The following GGA2 variants were observed in gnomAD, a reference collection of about 807,000 sequenced individuals.
The protein encoded by GGA2 is ADP-ribosylation factor-binding protein GGA2.
In GGA2, 48 loss-of-function variants were observed where a neutral mutation model predicts 79.5. That is an observed-to-expected ratio of 0.60 (90% CI 0.48 to 0.77). GGA2 has a LOEUF of 0.77. Ranked by LOEUF, GGA2 falls within the 30% of genes least tolerant of loss-of-function variation. The probability of loss-of-function intolerance (pLI) is 0.00; values close to 1 mark genes in which losing one functional copy is unlikely to be tolerated. For synonymous variants in GGA2, 317 were observed against 302.0 expected (o/e 1.05, Z -0.51); for missense variants, 770 against 774.0 (o/e 0.99, Z 0.06).
intron 1 of GGA2, chr16:23,501,584 A>G (rs2142140307): frequency 3.2e-6 from 1 of 308,602 alleles, no homozygotes; most frequent in East Asian, 8.2e-5. Flanking sequence ...GTGTGAATAC[A>G]AAGACTTGCA....
chr16:23,510,476 G>GCTCT lies in GGA2; in HGVS notation c.-69_-66dup. The GCTCT allele has an allele frequency of 1.7e-6, 1 of 576,906 alleles. No homozygotes were observed. The highest frequency in any genetic ancestry group is 4.9e-5 in the South Asian group (1 of 20,458). The allele number at this position is 576,906 out of a possible 1,614,324, so 35.7% of individuals were successfully genotyped here. On this transcript the variant is annotated 5_prime_UTR_variant, in exon 1 of 17. Transcript: ENST00000309859. ...TCTTCAGCCGCTGTAGCGTCCTGGC[G>GCTCT]CTCTCCTCTGCTGACTGCGCGGCAG...
At chr16:23,497,943 G>C (rs867967778) in intron 1 of GGA2, among the ~76,000 whole-genome samples, 1 of 152,146 alleles carries the variant, frequency 6.6e-6, no homozygotes, top group African/African-American at 2.4e-5. Context: ...AGACCAGCCT[G>C]AGCAACATAA....
intron 9 of GGA2, among the ~76,000 whole-genome samples, chr16:23,481,816 C>T (rs775189262): frequency 6.6e-6 from 1 of 152,140 alleles, no homozygotes; most frequent in Admixed American, 6.5e-5. Flanking sequence ...CATGCACATG[C>T]TATCCACTAA....
intron 1 of GGA2, among the ~76,000 whole-genome samples, chr16:23,503,729 A>G (rs900377145): frequency 6.6e-6 from 1 of 152,168 alleles, no homozygotes; most frequent in African/African-American, 2.4e-5. Flanking sequence ...GGATTTTCCT[A>G]TGGGGGGAAA....
chr16:23,514,456 T>A (rs79391625), upstream of GGA2, among the ~76,000 whole-genome samples: 2,231 of 147,548 alleles, frequency 0.015, 23 homozygotes, highest in South Asian at 0.02. Flanking sequence ...CTTGTTAGCC[T>A]TTTTTTTTTG....
chr16:23,484,560 A>G (rs2142124935), intron 8 of GGA2, among the ~76,000 whole-genome samples: 2 of 152,362 alleles, frequency 1.3e-5, no homozygotes, highest in Admixed American at 1.3e-4. Context: ...AAAAAAGACA[A>G]TCCAAAAGAT....
intron 3 of GGA2, chr16:23,493,978 C>A: frequency 2.6e-6 from 1 of 377,430 alleles, no homozygotes. Context: ...CTGCCAACAG[C>A]TAGTGGGCCC....
At chr16:23,477,646 C>T (rs1054600444) in intron 13 of GGA2, among the ~76,000 whole-genome samples, 1 of 152,276 alleles carries the variant, frequency 6.6e-6, no homozygotes, top group Non-Finnish European at 1.5e-5. Context: ...ACTCAGGAGG[C>T]TGAGGCAAAA....
At chr16:23,510,497 G>C (rs1190874389), upstream of GGA2, 2 of 493,308 alleles carry the variant, frequency 4.1e-6, no homozygotes, top group East Asian at 7.3e-5. Context: ...CTGACTGCGC[G>C]GCAGGAGCGG....
intron 2 of GGA2, chr16:23,519,451 A>C (rs1428610463): frequency 4.9e-6 from 1 of 203,344 alleles, no homozygotes; most frequent in Non-Finnish European, 1.1e-5. Flanking sequence ...ATAGAATATG[A>C]CTCCCATTGA....
At position 23,478,681 on chromosome 16, in the gene GGA2, G is replaced by C. The variant is rs768357510; in HGVS notation, c.1159-180C>G. 1.1e-4 allele frequency: 79 copies of C among 747,822 alleles called. 1 individual carries two copies. The Middle Eastern group carries it at 3.8e-3, about 36-fold the overall frequency. The allele number at this position is 747,822 out of a possible 1,614,324, so 46.3% of individuals were successfully genotyped here. A position where few individuals can be genotyped will look rare whatever the true frequency, so the allele number is the denominator to read the frequency against. On this transcript the variant is annotated intron_variant, in intron 12 of 16. Transcript: ENST00000309859. ...CATGCAGCTCCTGGGCAGACCTCCA[G>C]GAAGCAGGAGCCTGGTGCAACCTGT...
chr16:23,465,172 G>A lies in GGA2; in HGVS notation c.*2418C>T. Reference sequence around the variant, plus strand: ...AACAACTAGCTTTTAAAAAAACAGAGACACGGTCTCACTATGTAGCCCAGG... The same window carrying A: ...AACAACTAGCTTTTAAAAAAACAGAAACACGGTCTCACTATGTAGCCCAGG... On this transcript the variant is annotated 3_prime_UTR_variant, in exon 17 of 17. Transcript: ENST00000309859. The A allele has an allele frequency of 1.7e-6, 1 of 597,676 alleles. No individual in the cohort carries two copies. The highest frequency in any genetic ancestry group is 3.0e-6 in the Non-Finnish European group (1 of 335,276). 37.0% of individuals were successfully genotyped at this position (597,676 alleles called of 1,614,324 possible).
At chr16:23,511,520 T>G (rs1357050132), upstream of GGA2, among the ~76,000 whole-genome samples, 1 of 128,218 alleles carries the variant, frequency 7.8e-6, no homozygotes, top group Non-Finnish European at 1.7e-5. Flanking sequence ...TTTTTTCAGA[T>G]GGAGTCTCGC....
chr16:23,522,740 G>A (rs945005750), upstream of GGA2: 11 of 152,122 alleles, frequency 7.2e-5, no homozygotes, highest in Admixed American at 5.2e-4. Context: ...AACAATAAAC[G>A]TTTACTATCT....
chr16:23,493,267 G>A (rs138101012), intron 4 of GGA2, 93 bp downstream of exon 4: 5 of 782,134 alleles, frequency 6.4e-6, no homozygotes, highest in South Asian at 5.7e-5. Context: ...TTTTGTCCAT[G>A]CGTGGGCCTG....
chr16:23,496,097 T>C (rs1430786334), intron 1 of GGA2, among the ~76,000 whole-genome samples: 2 of 151,808 alleles, frequency 1.3e-5, no homozygotes, highest in African/African-American at 4.8e-5. Flanking sequence ...GGTCAGAAGT[T>C]TGAGACTAGC....
chr16:23,507,016 C>T (rs1456189974), intron 1 of GGA2, among the ~76,000 whole-genome samples: 1 of 152,122 alleles, frequency 6.6e-6, no homozygotes, highest in Non-Finnish European at 1.5e-5. Flanking sequence ...TGAAGAGGGG[C>T]TCACATGTCC....
In GGA2 at chr16:23,467,479, G is replaced by A. The variant is rs757786346; in HGVS notation, c.*111C>T. On this transcript the variant is annotated 3_prime_UTR_variant, in exon 17 of 17. Coordinates refer to ENST00000309859, the MANE Select transcript of GGA2 (RefSeq NM_015044.4). ...CAGAGGTTGACACCCAGAGCCTGAC[G>A]TCAGGATAGGACTCTTGGCACTCCG... 3.2e-5 allele frequency: 20 copies of A among 623,438 alleles called. No homozygotes were observed. Among genetic ancestry groups the A allele is most frequent in the Non-Finnish European group, 4.5e-5 (15 of 336,674 alleles). 38.6% of individuals were successfully genotyped at this position (623,438 alleles called of 1,614,324 possible). A position where few individuals can be genotyped will look rare whatever the true frequency, so the allele number is the denominator to read the frequency against.
intron 3 of GGA2, 142 bp from the exon 4 acceptor site, chr16:23,493,600 T>G (rs1392300420): frequency 6.4e-6 from 4 of 628,668 alleles, no homozygotes; most frequent in Non-Finnish European, 1.1e-5. Flanking sequence ...GAAGTTTTGA[T>G]GAAGAGGACG....
Sources: gnomAD v4.1 joint callset for allele counts (sites outside exome capture counted in the v4.1 genomes callset) on GRCh38, gnomAD v4.1.1 for gene constraint, MANE v1.5 for transcripts, NCBI Gene and HGNC (gene_info 2026-07-23, HGNC 2026-07-21) for gene names.